The following MAGOHB variants were observed in gnomAD, a reference collection of about 807,000 sequenced individuals.
MAGOHB encodes the protein protein mago nashi homolog 2.
A neutral mutation model predicts 20.9 loss-of-function variants in MAGOHB; 15 were observed. The observed-to-expected ratio is 0.72, with a 90% confidence interval of 0.48 to 1.11. MAGOHB has a LOEUF of 1.11. Among genes scored for constraint, MAGOHB ranks in the 50% least tolerant of loss-of-function variants. The probability of loss-of-function intolerance (pLI) is 0.00; values close to 1 mark genes in which losing one functional copy is unlikely to be tolerated. For synonymous variants in MAGOHB, 50 were observed against 57.9 expected, an observed-to-expected ratio of 0.86 and a Z score of 0.62; for missense variants, 162 against 177.6, an observed-to-expected ratio of 0.91 and a Z score of 0.50.
chr12:10,601,164 G>A (rs1266934333), downstream of MAGOHB, among the ~76,000 whole-genome samples: 1 of 152,142 alleles, frequency 6.6e-6, no homozygotes, highest in Non-Finnish European at 1.5e-5. Flanking sequence ...GATAGGAAGT[G>A]GGTGACAGGG....
At chr12:10,600,646 C>CCTCA (rs1565547611), downstream of MAGOHB, among the ~76,000 whole-genome samples, 1 of 152,178 alleles carries the variant, frequency 6.6e-6, no homozygotes, top group Non-Finnish European at 1.5e-5. Context: ...TCCAGCAAGG[C>CCTCA]CTCACATTTT....
At chr12:10,603,076 C>T (rs1249490845), downstream of MAGOHB, among the ~76,000 whole-genome samples, 1 of 151,970 alleles carries the variant, frequency 6.6e-6, no homozygotes, top group Non-Finnish European at 1.5e-5. Context: ...AAAGATAAAA[C>T]GAGGCCGAAG....
In MAGOHB at chr12:10,613,561, G is replaced by T. The variant is rs1333528443; in HGVS notation, c.-29C>A. The T allele has an allele frequency of 5.3e-6, 8 of 1,495,688 alleles. No individual in the cohort carries two copies. The highest frequency in any genetic ancestry group is 5.6e-6 in the Non-Finnish European group (6 of 1,072,040). 92.7% of individuals were successfully genotyped at this position (1,495,688 alleles called of 1,614,324 possible). A position where few individuals can be genotyped will look rare whatever the true frequency, so the allele number is the denominator to read the frequency against. The stretch of plus-strand genomic sequence containing the variant: ...TGTACCCGGGAAGCCCGCCGAAAAC[G>T]CAGCCAACGTGTCCCCCGGCGCCTT... On this transcript the variant is annotated 5_prime_UTR_variant, in exon 1 of 5. The change creates a premature stop within an existing upstream ORF in the 5' untranslated region. Transcript: ENST00000320756.
rs901229615 is a variant in MAGOHB, at chr12:10,605,168, A to G, written c.*1107T>C. On this transcript the variant is annotated 3_prime_UTR_variant, in exon 5 of 5. Transcript: ENST00000320756. Reference sequence around the variant, plus strand: ...TTTAAATAGCACCATAAATTCAGTTATACAAGGCACACCTCAAGTAATCAG... The same window carrying G: ...TTTAAATAGCACCATAAATTCAGTTGTACAAGGCACACCTCAAGTAATCAG... The G allele has an allele frequency of 2.0e-5, 3 of 152,266 alleles. No individual in the cohort carries two copies. The highest frequency in any genetic ancestry group is 7.2e-5 in the African/African-American group (3 of 41,480). The allele number at this position is 152,266 out of a possible 1,614,324, so 9.4% of individuals were successfully genotyped here. A position where few individuals can be genotyped will look rare whatever the true frequency, so the allele number is the denominator to read the frequency against.
downstream of MAGOHB, among the ~76,000 whole-genome samples, chr12:10,602,751 T>C (rs1865564908): frequency 6.6e-6 from 1 of 152,174 alleles, no homozygotes; most frequent in African/African-American, 2.4e-5. Flanking sequence ...AAACCACATA[T>C]TTTACTCATT....
downstream of MAGOHB, among the ~76,000 whole-genome samples, chr12:10,601,784 G>C (rs948531121): frequency 6.6e-6 from 1 of 152,152 alleles, no homozygotes; most frequent in African/African-American, 2.4e-5. Flanking sequence ...TTTTCTCATA[G>C]GTTCAATAAA....
At chr12:10,612,876 A>T (rs1170474594) in intron 1 of MAGOHB, 1 of 1,289,130 alleles carries the variant, frequency 7.8e-7, no homozygotes, top group Admixed American at 2.3e-5. Flanking sequence ...CAAGTCTCTC[A>T]TTTCGAGACT....
At chr12:10,607,497 C>T (rs566560810) in intron 4 of MAGOHB, among the ~76,000 whole-genome samples, 12 of 152,194 alleles carry the variant, frequency 7.9e-5, no homozygotes, top group Admixed American at 3.3e-4. Context: ...GTATTGAGCC[C>T]AAGAAGGACA....
intron 1 of MAGOHB, 90 bp downstream of exon 1, chr12:10,613,349 G>C (rs1301112587): frequency 1.8e-6 from 2 of 1,124,400 alleles, no homozygotes; most frequent in Admixed American, 1.7e-5. Flanking sequence ...GAGGGAAGCA[G>C]TGGCCTCCGC....
At position 10,605,235 on chromosome 12, in the gene MAGOHB, T is replaced by C. The variant is rs572750220; in HGVS notation, c.*1040A>G. ...AGTTGCTACCCTATTGGACTGCACATAGAACGTTTCCATTATTGCAAAAAA... is the reference window on the plus strand; with the variant it reads ...AGTTGCTACCCTATTGGACTGCACACAGAACGTTTCCATTATTGCAAAAAA... On this transcript the variant is annotated 3_prime_UTR_variant, in exon 5 of 5. Transcript: ENST00000320756. 8 of 152,320 alleles carry C rather than the reference T, an allele frequency of 5.3e-5. No individual in the cohort carries two copies. The East Asian group carries it at 5.8e-4, about 11-fold the overall frequency. 9.4% of individuals were successfully genotyped at this position (152,320 alleles called of 1,614,324 possible).
chr12:10,609,140 G>A (rs1036034935), intron 3 of MAGOHB: 1 of 175,764 alleles, frequency 5.7e-6, no homozygotes, highest in African/African-American at 2.4e-5. Flanking sequence ...GAAGACTTAA[G>A]TTACTCCTAC....
At chr12:10,610,341 T>C (rs904024804) in intron 2 of MAGOHB, among the ~76,000 whole-genome samples, 4 of 152,176 alleles carry the variant, frequency 2.6e-5, no homozygotes, top group African/African-American at 4.8e-5. Flanking sequence ...ATCAAGCCAC[T>C]GCACTCCAGC....
In MAGOHB at chr12:10,607,903, A is replaced by T; in HGVS notation, c.298T>A (p.Ser100Thr). ...LEIVIGDEHI[S>T]FTTSKIGSLI... ...GAACCTATTTTTGATGTGGTAAAAG[A>T]TATGTGCTCATCTCCAATTACAATT... The change falls in exon 4 of 5, where the codon TCT becomes ACT. Residue 100 changes from serine to threonine, a missense_variant. Ser to Thr is a moderately conservative substitution (Grantham distance 58, BLOSUM62 1). Coordinates refer to ENST00000320756, the MANE Select transcript of MAGOHB (RefSeq NM_018048.5). 1 of 1,590,666 alleles carries T rather than the reference A, an allele frequency of 6.3e-7. No individual in the cohort carries two copies. The highest frequency in any genetic ancestry group is 8.6e-7 in the Non-Finnish European group (1 of 1,167,082).
chr12:10,611,365 G>C (rs1865731814), intron 1 of MAGOHB, among the ~76,000 whole-genome samples: 1 of 152,120 alleles, frequency 6.6e-6, no homozygotes, highest in Non-Finnish European at 1.5e-5. Context: ...TGTATTATCT[G>C]ATGTATGCTT....
chr12:10,603,276 T>G (rs1265286160), downstream of MAGOHB, among the ~76,000 whole-genome samples: 5 of 138,952 alleles, frequency 3.6e-5, no homozygotes, highest in Admixed American at 4.0e-4. Context: ...ATCGCGCCGC[T>G]GCACTCCAGC....
downstream of MAGOHB, among the ~76,000 whole-genome samples, chr12:10,602,853 A>G (rs949507364): frequency 2.6e-5 from 4 of 152,154 alleles, no homozygotes; most frequent in African/African-American, 4.8e-5. Flanking sequence ...TCAGTGGTTT[A>G]TCATTTCACA....
Position 10,610,738 on chromosome 12 carries a change from A to C in MAGOHB, c.95-58T>G, listed in dbSNP as rs1481994394. ...AGCAAAAACTGCTAAAAAAATTAAC[A>C]TCATATACAATTTTGAAGGTAAAGA... On this transcript the variant is annotated intron_variant, in intron 1 of 4. Transcript: ENST00000320756. 1.1e-5 allele frequency: 16 copies of C among 1,482,068 alleles called. No individual in the cohort carries two copies. In the Admixed American group the frequency reaches 3.2e-4, roughly 30 times the overall value. 91.8% of individuals were successfully genotyped at this position (1,482,068 alleles called of 1,614,324 possible).
At chr12:10,607,510 G>C (rs1227859631) in intron 4 of MAGOHB, among the ~76,000 whole-genome samples, 1 of 152,192 alleles carries the variant, frequency 6.6e-6, no homozygotes, top group African/African-American at 2.4e-5. Context: ...GAAGGACAGT[G>C]AGATGATATA....
intron 1 of MAGOHB, among the ~76,000 whole-genome samples, chr12:10,612,041 A>G (rs2120540620): frequency 6.6e-6 from 1 of 152,176 alleles, no homozygotes; most frequent in African/African-American, 2.4e-5. Flanking sequence ...GGTTAAATAC[A>G]GTGATTAAGG....
Sources: gnomAD v4.1 joint callset for allele counts (sites outside exome capture counted in the v4.1 genomes callset) on GRCh38, gnomAD v4.1.1 for gene constraint, MANE v1.5 for transcripts, NCBI Gene and HGNC (gene_info 2026-07-23, HGNC 2026-07-21) for gene names.